CHFR: variants seen among roughly 807,000 people sequenced by gnomAD.
The protein encoded by CHFR is checkpoint with forkhead and ring finger domains.
Under a neutral mutation model 87.6 loss-of-function variants are expected in CHFR, and 57 were observed. The observed-to-expected ratio is 0.65, with a 90% CI of 0.53 to 0.81. The LOEUF is 0.81. Ranked by LOEUF, CHFR falls within the 30% of genes least tolerant of loss-of-function variation. The pLI is 0.00. For synonymous variants in CHFR, 381 were observed against 359.2 expected, an observed-to-expected ratio of 1.06 and a Z score of -0.69; for missense variants, 797 against 865.8, an observed-to-expected ratio of 0.92 and a Z score of 1.00.
intron 17 of CHFR, among the ~76,000 whole-genome samples, chr12:132,842,433 CT>C (rs1314788099): frequency 6.6e-6 from 1 of 152,240 alleles, no homozygotes; most frequent in Non-Finnish European, 1.5e-5. Context: ...AGGGAGGCGC[CT>C]TTCTCTGAGT....
chr12:132,836,469 C>G lies in CHFR; in HGVS notation c.*5085G>C. 2 of 328,648 alleles carry G rather than the reference C, an allele frequency of 6.1e-6. No homozygotes were observed. The highest frequency in any genetic ancestry group is 4.6e-5 in the South Asian group (2 of 43,130). 20.4% of individuals were successfully genotyped at this position (328,648 alleles called of 1,614,324 possible). On this transcript the variant is annotated 3_prime_UTR_variant, in exon 18 of 18. Coordinates refer to ENST00000450056, the MANE Select transcript of CHFR (RefSeq NM_001161346.2). ...GGCACTCACAGTGACAGGCTCCCAG[C>G]AGGGCGCACGGCACTCACAGTGACA...
intron 2 of CHFR, among the ~76,000 whole-genome samples, chr12:132,884,213 G>A (rs967177088): frequency 1.3e-5 from 2 of 152,094 alleles, no homozygotes; most frequent in African/African-American, 4.8e-5. Context: ...GAGGTCAGGA[G>A]TTCAAGACCA....
intron 6 of CHFR, among the ~76,000 whole-genome samples, chr12:132,864,381 C>G (rs553251533): frequency 6.6e-6 from 1 of 152,372 alleles, no homozygotes; most frequent in Admixed American, 6.5e-5. Flanking sequence ...CAGAATGTAC[C>G]TGGCACACTG....
chr12:132,866,456 G>GGAATGTTACAACACACCA (rs1192358961), intron 6 of CHFR: 2 of 151,118 alleles, frequency 1.3e-5, no homozygotes, highest in Non-Finnish European at 2.9e-5. Context: ...CAACACACCG[G>GGAATGTTACAACACACCA]GAATGTTACA....
chr12:132,846,969 G>A (rs1235809416), intron 15 of CHFR, 74 bp downstream of exon 15: 7 of 1,056,314 alleles, frequency 6.6e-6, no homozygotes, highest in Non-Finnish European at 1.0e-5. Flanking sequence ...AGTTGTCACT[G>A]GGAGAGCAGA....
intron 6 of CHFR, among the ~76,000 whole-genome samples, chr12:132,863,757 A>G (rs1408761020): frequency 6.6e-6 from 1 of 152,138 alleles, no homozygotes; most frequent in Non-Finnish European, 1.5e-5. Flanking sequence ...CAGACTTTCT[A>G]ATCACCTCTA....
intron 6 of CHFR, chr12:132,861,887 G>A (rs1377426107): frequency 2.1e-6 from 1 of 486,734 alleles, no homozygotes; most frequent in Non-Finnish European, 3.8e-6. Flanking sequence ...AGATGTCTGT[G>A]ACCAGGCTTA....
Position 132,833,764 on chromosome 12 carries a change from A to G in CHFR, c.*7790T>C, listed in dbSNP as rs2136894173. 1 of 152,486 alleles carries G rather than the reference A, an allele frequency of 6.6e-6. No individual in the cohort carries two copies. The highest frequency in any genetic ancestry group is 1.9e-4 in the East Asian group (1 of 5,194). 9.4% of individuals were successfully genotyped at this position (152,486 alleles called of 1,614,324 possible). A position where few individuals can be genotyped will look rare whatever the true frequency, so the allele number is the denominator to read the frequency against. ...GAGGTGGAGGCTGCAGTGAGCTGAC[A>G]TTGCGCCACTGCCCTCCAGCCCTGA... On this transcript the variant is annotated 3_prime_UTR_variant, in exon 18 of 18. Transcript: ENST00000450056.
chr12:132,878,192 C>G (rs1450425807), intron 2 of CHFR, among the ~76,000 whole-genome samples: 2 of 152,176 alleles, frequency 1.3e-5, no homozygotes, highest in Non-Finnish European at 2.9e-5. Flanking sequence ...ATTTTACAGC[C>G]AGGCGCAGTG....
chr12:132,859,524 G>A (rs901400774), intron 7 of CHFR, among the ~76,000 whole-genome samples: 2 of 151,988 alleles, frequency 1.3e-5, no homozygotes, highest in African/African-American at 4.8e-5. Flanking sequence ...CTAATTTTGT[G>A]TATTTTTAGT....
intron 3 of CHFR, among the ~76,000 whole-genome samples, chr12:132,876,940 G>A (rs373536896): frequency 3.3e-5 from 5 of 152,192 alleles, no homozygotes; most frequent in South Asian, 2.1e-4. Context: ...GATTACAGGC[G>A]CATGCCACAA....
intron 14 of CHFR, 40 bp from the exon 15 acceptor site, chr12:132,847,170 T>G (rs1262052713): frequency 6.2e-7 from 1 of 1,610,490 alleles, no homozygotes; most frequent in African/African-American, 1.3e-5. Flanking sequence ...AATACTCGTT[T>G]AGAGGAAGAA....
intron 8 of CHFR, 64 bp from the exon 9 acceptor site, chr12:132,857,623 G>A: frequency 1.3e-6 from 2 of 1,535,786 alleles, no homozygotes; most frequent in East Asian, 2.3e-5. Context: ...CCTCGACCAA[G>A]GTCCGCAGCA....
At chr12:132,860,052 A>G (rs1485997728) in intron 7 of CHFR, among the ~76,000 whole-genome samples, 1 of 152,190 alleles carries the variant, frequency 6.6e-6, no homozygotes, top group Non-Finnish European at 1.5e-5. Flanking sequence ...CTCTTAAAAA[A>G]ATGTATACAT....
chr12:132,878,396 G>A (rs995384785), intron 2 of CHFR, among the ~76,000 whole-genome samples: 1 of 151,836 alleles, frequency 6.6e-6, no homozygotes. Context: ...ATGAACCCAG[G>A]AGGCAGAGGT....
Position 132,859,095 on chromosome 12 carries a change from C to G in CHFR, c.884G>C (p.Cys295Ser). 2 of 1,613,926 alleles carry G rather than the reference C, an allele frequency of 1.2e-6. No individual in the cohort carries two copies. The highest frequency in any genetic ancestry group is 1.7e-6 in the Non-Finnish European group (2 of 1,179,898). ...CACGCAGTCGTGCAGCAGGTCCTGG[C>G]AGATGATGCATGTCAGCGTCTCCTC... ...KMEETLTCII[C>S]QDLLHDCVSL... Residue 295 changes from cysteine (C) to serine (S), a missense_variant, in exon 8 of 18, where the codon TGC (cysteine) becomes TCC (serine). By Grantham distance (112) the Cys-to-Ser change is moderately radical. This residue lies in a region of CHFR where 597 missense variants were observed against 601.2 expected (regional missense o/e 0.99). Transcript: ENST00000450056.
chr12:132,871,466 T>C (rs942207490), intron 4 of CHFR, among the ~76,000 whole-genome samples: 2 of 148,372 alleles, frequency 1.3e-5, no homozygotes, highest in Non-Finnish European at 3.0e-5. Flanking sequence ...CTTATTTATT[T>C]AAAAAATTAA....
chr12:132,877,490 G>A (rs964395184), intron 3 of CHFR, 65 bp downstream of exon 3: 29 of 1,110,056 alleles, frequency 2.6e-5, no homozygotes, highest in Middle Eastern at 2.1e-4. Flanking sequence ...ACACAGCACA[G>A]AGCACGAAGT....
chr12:132,851,789 C>T, intron 11 of CHFR, 52 bp from the exon 12 acceptor site: 1 of 1,575,756 alleles, frequency 6.3e-7, no homozygotes, highest in Non-Finnish European at 8.7e-7. Flanking sequence ...GGCAGAAAGA[C>T]AGCAGGTTAG....
Sources: allele counts gnomAD v4.1 joint callset (sites outside exome capture counted in the v4.1 genomes callset), GRCh38; gene constraint gnomAD v4.1.1; regional missense constraint gnomAD v4.1.1; transcripts MANE v1.5; gene names NCBI Gene and HGNC (gene_info 2026-07-23, HGNC 2026-07-21).